Variants in INO80 observed in about 807,000 individuals in gnomAD.
INO80 encodes INO80 complex ATPase subunit.
In INO80, 20 loss-of-function variants were observed where a neutral mutation model predicts 203.4. The observed-to-expected ratio is 0.10, with a 90% confidence interval of 0.07 to 0.14. INO80 has a LOEUF of 0.14. Ranked by LOEUF, INO80 falls within the 10% of genes least tolerant of loss-of-function variation. The pLI is 1.00. For synonymous variants in INO80, 726 were observed against 685.2 expected, an observed-to-expected ratio of 1.06 and a Z score of -0.93; for missense variants, 1,419 against 1,914.4, an observed-to-expected ratio of 0.74 and a Z score of 4.83.
intron 27 of INO80, among the ~76,000 whole-genome samples, chr15:41,005,959 T>TAA (rs55706828): frequency 0.91 from 120,248 of 131,446 alleles, 55,537 homozygotes; most frequent in Non-Finnish European, 0.98. Flanking sequence ...TAGGTTTCAT[T>TAA]AAAAAAAAAA....
rs534150918 is a variant in INO80 at position 41,049,423 on chromosome 15, A to C, written c.2443-3T>G. The C allele has an allele frequency of 6.2e-7, 1 of 1,613,678 alleles. No individual in the cohort carries two copies. The highest frequency in any genetic ancestry group is 1.7e-5 in the Admixed American group (1 of 59,982). On this transcript the variant is annotated splice_region_variant and splice_polypyrimidine_tract_variant and intron_variant, in intron 20 of 35. Transcript: ENST00000648947. ...AATAACTCCGGGTGATTACACACCT[A>C]AAAGGAAGGGAAATGGTAAGACAAT...
chr15:40,988,035 A>C, intron 29 of INO80, 61 bp from the exon 30 acceptor site: 1 of 1,448,154 alleles, frequency 6.9e-7, no homozygotes, highest in African/African-American at 1.4e-5. Flanking sequence ...TTCTGAGAGC[A>C]ACCCAGCCAA....
intron 27 of INO80, among the ~76,000 whole-genome samples, chr15:41,015,282 A>G (rs2044186591): frequency 6.6e-6 from 1 of 152,224 alleles, no homozygotes; most frequent in Non-Finnish European, 1.5e-5. Context: ...CCTGATGCCC[A>G]GGCCTCATTT....
rs693424 is a variant in INO80, at chr15:41,072,918, C to T, written c.1395+510G>A. On this transcript the variant is annotated intron_variant, in intron 11 of 35. Coordinates refer to ENST00000648947, the MANE Select transcript of INO80 (RefSeq NM_017553.3). The stretch of plus-strand genomic sequence containing the variant: ...GCCTCAGCCTCCCGAGTAGCTGGGA[C>T]TACAAGCGCCCTCCGCCACCCCCGG... Among the ~76,000 whole-genome samples the T allele has an allele frequency of 9.9e-3, 1,506 of 151,762 alleles. 30 individuals are homozygous for T. Among genetic ancestry groups the T allele is most frequent in the African/African-American group, 0.035 (1,461 of 41,386 alleles).
intron 26 of INO80, chr15:41,018,306 A>C (rs1387085168): frequency 6.6e-6 from 1 of 152,206 alleles, no homozygotes; most frequent in Admixed American, 6.5e-5. Flanking sequence ...ATTATTTCAA[A>C]ATCATGATTC....
intron 29 of INO80, among the ~76,000 whole-genome samples, chr15:40,995,991 G>T (rs562448047): frequency 6.6e-6 from 1 of 152,228 alleles, no homozygotes; most frequent in African/African-American, 2.4e-5. Flanking sequence ...GCCAAGGAAG[G>T]TGCATCCTAT....
chr15:41,036,156 G>GAAAAAAAAAAAAAAA (rs369185302), intron 24 of INO80, among the ~76,000 whole-genome samples: 1 of 32,142 alleles, frequency 3.1e-5, no homozygotes, highest in African/African-American at 9.5e-5. Context: ...ACTCTCTCTC[G>GAAAAAAAAAAAAAAA]AAAAAAAAAA....
intron 9 of INO80, among the ~76,000 whole-genome samples, chr15:41,075,755 G>A (rs1417588589): frequency 2.0e-5 from 3 of 151,910 alleles, no homozygotes; most frequent in African/African-American, 7.2e-5. Context: ...TGCCCAGCCC[G>A]TATTGTTGTA....
chr15:41,025,091 G>C (rs548933046), intron 25 of INO80, among the ~76,000 whole-genome samples: 18 of 152,198 alleles, frequency 1.2e-4, no homozygotes, highest in Non-Finnish European at 2.4e-4. Context: ...AGTGGGAAAG[G>C]AGCACCCTTT....
At chr15:41,053,182 T>C (rs573554605) in intron 19 of INO80, among the ~76,000 whole-genome samples, 4 of 152,310 alleles carry the variant, frequency 2.6e-5, no homozygotes, top group Admixed American at 2.6e-4. Flanking sequence ...TTTGGCTCAC[T>C]GCAAGCTCCG....
At chr15:41,044,113 A>G (rs1003442921) in intron 24 of INO80, among the ~76,000 whole-genome samples, 5 of 152,260 alleles carry the variant, frequency 3.3e-5, no homozygotes, top group Non-Finnish European at 2.9e-5. Flanking sequence ...ATGTAAATTT[A>G]TAAAACTATT....
At chr15:41,115,702 T>C (rs2046023470) in intron 1 of INO80, among the ~76,000 whole-genome samples, 1 of 152,128 alleles carries the variant, frequency 6.6e-6, no homozygotes, top group Non-Finnish European at 1.5e-5. Flanking sequence ...TCCCCACGTG[T>C]GGGCGCCCCA....
intron 28 of INO80, among the ~76,000 whole-genome samples, chr15:41,002,532 TA>T (rs1014957999): frequency 6.6e-6 from 1 of 152,222 alleles, no homozygotes; most frequent in Non-Finnish European, 1.5e-5. Flanking sequence ...ACTGCGGCTC[TA>T]AAACTCAGAA....
intron 24 of INO80, among the ~76,000 whole-genome samples, chr15:41,039,243 C>T (rs1266770630): frequency 6.6e-6 from 1 of 152,164 alleles, no homozygotes; most frequent in Non-Finnish European, 1.5e-5. Flanking sequence ...TCCTAAAGTA[C>T]TGAGATTAAA....
In INO80 at chr15:41,110,556, G is replaced by C. The variant is rs529227299; in HGVS notation, c.-44+5417C>G. Among the ~76,000 whole-genome samples the C allele has an allele frequency of 5.2e-4, 79 of 151,280 alleles. 1 individual carries two copies. Among genetic ancestry groups the C allele is most frequent in the African/African-American group, 1.8e-3 (73 of 41,214 alleles). On this transcript the variant is annotated intron_variant, in intron 1 of 35. Coordinates refer to ENST00000648947, the MANE Select transcript of INO80 (RefSeq NM_017553.3). ...TGAGCTCAGGTGATCCTCCCATTTCGGCCTCCAGAGTAGCTGGGACTACAG... is the reference window on the plus strand; with the variant it reads ...TGAGCTCAGGTGATCCTCCCATTTCCGCCTCCAGAGTAGCTGGGACTACAG...
At chr15:41,070,710 C>T (rs1229214227) in intron 12 of INO80, among the ~76,000 whole-genome samples, 163 bp from the exon 13 acceptor site, 4 of 152,214 alleles carry the variant, frequency 2.6e-5, no homozygotes, top group Admixed American at 6.5e-5. Context: ...TTGCTTTTGC[C>T]AATGCTACAG....
chr15:41,040,306 T>C (rs2044647467), intron 24 of INO80, among the ~76,000 whole-genome samples: 2 of 152,226 alleles, frequency 1.3e-5, no homozygotes, highest in Admixed American at 6.5e-5. Flanking sequence ...TCAGAGGATC[T>C]GTGCACCAGT....
intron 25 of INO80, among the ~76,000 whole-genome samples, chr15:41,027,201 T>G (rs2044388487): frequency 6.6e-6 from 1 of 152,138 alleles, no homozygotes; most frequent in Non-Finnish European, 1.5e-5. Context: ...CCGGATCAAA[T>G]CTCCCCCAAT....
At chr15:40,984,032 C>A (rs1596231466) in intron 33 of INO80, 111 bp from the exon 34 acceptor site, 7 of 1,394,264 alleles carry the variant, frequency 5.0e-6, no homozygotes, top group Non-Finnish European at 7.0e-6. Context: ...TTCTGAGAAA[C>A]CAACCTGTCC....
Sources: gnomAD v4.1 joint callset for allele counts (sites outside exome capture counted in the v4.1 genomes callset) on GRCh38, gnomAD v4.1.1 for gene constraint, MANE v1.5 for transcripts, NCBI Gene and HGNC (gene_info 2026-07-23, HGNC 2026-07-21) for gene names.